Variants in CLEC20A observed in about 807,000 individuals in gnomAD.
CLEC20A encodes putative C-type lectin domain family 20 member A.
chr1:178,489,087 G>A (rs1649218241), intron 4 of CLEC20A, among the ~76,000 whole-genome samples: 2 of 152,180 alleles, frequency 1.3e-5, no homozygotes, highest in African/African-American at 4.8e-5. Flanking sequence ...TTTTGGCTGG[G>A]TGCGGTGGCT....
chr1:178,494,638 G>T, exon 2 of CLEC20A: 1 of 399,486 alleles, frequency 2.5e-6, no homozygotes, highest in Non-Finnish European at 4.4e-6. Context: ...CGTCGAAGAA[G>T]AGGCCAATCC....
intron 4 of CLEC20A, among the ~76,000 whole-genome samples, chr1:178,489,271 G>A (rs2101870631): frequency 6.6e-6 from 1 of 152,226 alleles, no homozygotes; most frequent in East Asian, 1.9e-4. Context: ...GCTGAAGCGT[G>A]AGAATTGCTT....
At position 178,490,303 on chromosome 1, in the gene CLEC20A, C is replaced by A. The variant is rs1649240653; in HGVS notation, c.598G>T (p.Glu200Ter). The A allele has an allele frequency of 2.5e-6, 1 of 398,686 alleles. No individual in the cohort carries two copies. Among genetic ancestry groups the A allele is most frequent in the Non-Finnish European group, 4.4e-6 (1 of 226,120 alleles). The allele number at this position is 398,686 out of a possible 1,614,324, so 24.7% of individuals were successfully genotyped here. Residue 200 changes from glutamate to a stop codon, truncating the protein, a stop_gained, in exon 4 of 8, where the codon GAG becomes TAG. Coordinates refer to ENST00000623247, the Ensembl canonical transcript of CLEC20A. LOFTEE classifies it high-confidence loss of function. ...TCACTCATGATGGATCTCAAGGCCT[C>A]CTTGCCTGTCTCATCCGTCACCATC...
intron 7 of CLEC20A, 173 bp from the exon 8 acceptor site, chr1:178,479,788 C>T (rs1030560857): frequency 2.4e-5 from 8 of 332,218 alleles, no homozygotes; most frequent in Non-Finnish European, 4.3e-5. Context: ...TAGGAAAATA[C>T]ATAAATTAAT....
chr1:178,483,896 A>C (rs1358341569), intron 5 of CLEC20A: 1 of 152,202 alleles, frequency 6.6e-6, no homozygotes, highest in Non-Finnish European at 1.5e-5. Context: ...TTTGGAATAT[A>C]TTATTGTAAA....
At chr1:178,488,348 C>T (rs548814976) in intron 5 of CLEC20A, among the ~76,000 whole-genome samples, 153 bp downstream of exon 5, 4 of 152,238 alleles carry the variant, frequency 2.6e-5, no homozygotes, top group South Asian at 2.1e-4. Flanking sequence ...CTCCCCTCTG[C>T]GTAAGTGGCC....
At chr1:178,489,300 C>T (rs1474423952) in intron 4 of CLEC20A, among the ~76,000 whole-genome samples, 4 of 152,106 alleles carry the variant, frequency 2.6e-5, no homozygotes, top group Admixed American at 6.5e-5. Context: ...GAGGTGGAGG[C>T]TGCAGTGAGC....
chr1:178,493,769 GAGA>G (rs1649324370), intron 2 of CLEC20A: 1 of 152,250 alleles, frequency 6.6e-6, no homozygotes, highest in African/African-American at 2.4e-5. Context: ...TGTGCTTCAT[GAGA>G]AGAAGACAGT....
intron 2 of CLEC20A, among the ~76,000 whole-genome samples, chr1:178,492,868 G>C (rs116485730): frequency 3.7e-4 from 57 of 152,212 alleles, no homozygotes; most frequent in African/African-American, 1.4e-3. Flanking sequence ...CACGACAAAG[G>C]TTCTGCAGTG....
chr1:178,481,934 T>G (rs1394116171), intron 7 of CLEC20A: 1 of 164,518 alleles, frequency 6.1e-6, no homozygotes, highest in Non-Finnish European at 1.3e-5. Context: ...AGTTAGGCAT[T>G]ATTATTATCA....
intron 6 of CLEC20A, chr1:178,482,757 A>G (rs975474218): frequency 4.2e-5 from 9 of 215,672 alleles, no homozygotes; most frequent in African/African-American, 2.0e-4. Context: ...CCCACCACAG[A>G]AAATTCTAAA....
rs1488998676 is a variant in CLEC20A, at chr1:178,482,292, A to G, written c.1122+20T>C. On this transcript the variant is annotated intron_variant, in intron 7 of 7. Transcript: ENST00000623247. ...GTCCAATCATCTGATCAGAATTAGA[A>G]GAGTGTGCAGAAGTCTCACCTGTCT... The G allele has an allele frequency of 2.5e-6, 1 of 398,488 alleles. No individual in the cohort carries two copies. The highest frequency in any genetic ancestry group is 2.1e-5 in the African/African-American group (1 of 48,626). The allele number at this position is 398,488 out of a possible 1,614,324, so 24.7% of individuals were successfully genotyped here. A position where few individuals can be genotyped will look rare whatever the true frequency, so the allele number is the denominator to read the frequency against.
intron 4 of CLEC20A, 141 bp downstream of exon 4, chr1:178,489,931 T>A (rs1649232899): frequency 5.0e-6 from 2 of 397,296 alleles, no homozygotes. Flanking sequence ...AGGAGCCTGC[T>A]CCAGAACTCA....
chr1:178,484,795 C>T (rs1189554821), intron 5 of CLEC20A: 3 of 152,224 alleles, frequency 2.0e-5, no homozygotes, highest in Non-Finnish European at 4.4e-5. Context: ...TGTATTGGTA[C>T]TTCAGTTAAC....
chr1:178,481,882 T>G (rs1648995567), intron 7 of CLEC20A: 1 of 153,356 alleles, frequency 6.5e-6, no homozygotes, highest in African/African-American at 2.4e-5. Context: ...TGCTAAGCAC[T>G]TTATATGGAA....
chr1:178,494,420 A>C (rs1572160099), intron 2 of CLEC20A, 34 bp downstream of exon 2: 1 of 400,058 alleles, frequency 2.5e-6, no homozygotes, highest in East Asian at 3.6e-5. Context: ...CCCCTGGGGG[A>C]AAGACCAAGC....
intron 6 of CLEC20A, chr1:178,482,599 G>C (rs1324524622): frequency 2.6e-6 from 1 of 385,478 alleles, no homozygotes; most frequent in Non-Finnish European, 4.6e-6. Flanking sequence ...AGAGTCCCAT[G>C]CTTTGGGTAA....
chr1:178,483,206 T>C, exon 6 of CLEC20A: 1 of 398,696 alleles, frequency 2.5e-6, no homozygotes, highest in Non-Finnish European at 4.4e-6. Context: ...TTTCTTTAGA[T>C]TCTGAACTCA....
At chr1:178,489,002 C>G (rs1649216198) in intron 4 of CLEC20A, among the ~76,000 whole-genome samples, 1 of 152,054 alleles carries the variant, frequency 6.6e-6, no homozygotes, top group Admixed American at 6.6e-5. Flanking sequence ...GTCCTAAAAT[C>G]AGATTAGTGA....
Sources: gnomAD v4.1 joint callset for allele counts (sites outside exome capture counted in the v4.1 genomes callset) on GRCh38, gnomAD v4.1.1 for gene constraint, MANE v1.5 for transcripts, NCBI Gene and HGNC (gene_info 2026-07-23, HGNC 2026-07-21) for gene names.